VWF: variants seen among roughly 807,000 people sequenced by gnomAD.
VWF encodes Factor VIII related antigen.
A neutral mutation model predicts 308.6 loss-of-function variants in VWF; 176 were observed. The ratio of observed to expected loss-of-function variants is 0.57; its 90% CI spans 0.50 to 0.65. The LOEUF (loss-of-function observed/expected upper bound fraction) is 0.65, where lower values mean the gene tolerates loss of function less well. Ranked by LOEUF, VWF falls within the 30% of genes least tolerant of loss-of-function variation. The pLI is 0.00. For missense variants in VWF, 3,146 were observed against 3,648.2 expected, an observed-to-expected ratio of 0.86 and a Z score of 3.55; for synonymous variants, 1,385 against 1,443.4, an observed-to-expected ratio of 0.96 and a Z score of 0.92.
At chr12:5,985,391 G>T (rs1001176405) in intron 39 of VWF, among the ~76,000 whole-genome samples, 172 bp downstream of exon 39, 4 of 152,190 alleles carry the variant, frequency 2.6e-5, no homozygotes, top group African/African-American at 9.7e-5. Flanking sequence ...GCAGAATGGG[G>T]CTCCCAGGCC....
chr12:5,950,087 T>C (rs1446985161), intron 50 of VWF, among the ~76,000 whole-genome samples: 4 of 152,216 alleles, frequency 2.6e-5, no homozygotes, highest in Admixed American at 2.6e-4. Context: ...ATTGCTGGAC[T>C]TAACTCACTT....
intron 47 of VWF, 120 bp from the exon 48 acceptor site, chr12:5,953,714 A>G (rs1315606774): frequency 1.2e-6 from 1 of 803,992 alleles, no homozygotes; most frequent in Non-Finnish European, 2.2e-6. Context: ...TAGAATTCGG[A>G]AAGTCAACAT....
At chr12:5,983,820 A>ATAGATAGATAGATAGATGG (rs1943641273) in intron 40 of VWF, among the ~76,000 whole-genome samples, 1 of 71,060 alleles carries the variant, frequency 1.4e-5, no homozygotes, top group South Asian at 6.1e-4. Context: ...TAGATAGATG[A>ATAGATAGATAGATAGATGG]TAGAGGATAG....
chr12:6,002,620 C>A (rs1229013083), intron 34 of VWF, among the ~76,000 whole-genome samples: 1 of 151,824 alleles, frequency 6.6e-6, no homozygotes, highest in East Asian at 1.9e-4. Context: ...TTAAGCACAC[C>A]AATTTACATG....
At chr12:6,084,387 G>A (rs1344679554) in intron 6 of VWF, among the ~76,000 whole-genome samples, 2 of 152,194 alleles carry the variant, frequency 1.3e-5, no homozygotes, top group African/African-American at 4.8e-5. Flanking sequence ...AGGAGCTGCG[G>A]GAGAGCAGCT....
chr12:6,111,875 G>A (rs1005674355), intron 3 of VWF, among the ~76,000 whole-genome samples: 1 of 150,222 alleles, frequency 6.7e-6, no homozygotes, highest in Non-Finnish European at 1.5e-5. Flanking sequence ...GAAGAACGGC[G>A]TGAACCCAGG....
chr12:5,971,489 T>G (rs572069146), intron 44 of VWF, 110 bp downstream of exon 44: 2 of 881,144 alleles, frequency 2.3e-6, no homozygotes, highest in Admixed American at 1.8e-5. Flanking sequence ...CTGGGTGAAA[T>G]GCCCAGTGGG....
At chr12:6,108,847 G>A in intron 5 of VWF, among the ~76,000 whole-genome samples, 1 of 151,966 alleles carries the variant, frequency 6.6e-6, no homozygotes, top group Non-Finnish European at 1.5e-5. Context: ...CAGGCATGGT[G>A]GCGGGTGCCT....
At chr12:6,118,691 G>A (rs143483677) in intron 3 of VWF, among the ~76,000 whole-genome samples, 112 of 152,080 alleles carry the variant, frequency 7.4e-4, no homozygotes, top group African/African-American at 7.7e-4. Context: ...CCGTGCACCC[G>A]GCCTCTTCCG....
chr12:6,083,046 G>T (rs1944931502), intron 6 of VWF, among the ~76,000 whole-genome samples: 1 of 152,128 alleles, frequency 6.6e-6, no homozygotes, highest in South Asian at 2.1e-4. Flanking sequence ...TCTCGCTCTT[G>T]TTGCCCAGGC....
chr12:6,079,589 G>A (rs917521381), intron 6 of VWF, among the ~76,000 whole-genome samples: 14 of 150,508 alleles, frequency 9.3e-5, no homozygotes, highest in Non-Finnish European at 1.8e-4. Flanking sequence ...TAGCCTGGGC[G>A]ACAGAGTGAG....
At chr12:5,983,092 C>T (rs1943626427) in intron 41 of VWF, 58 bp downstream of exon 41, 2 of 1,542,808 alleles carry the variant, frequency 1.3e-6, no homozygotes, top group Non-Finnish European at 1.8e-6. Context: ...GGAGGATGGC[C>T]TCCCTCACAC....
intron 15 of VWF, among the ~76,000 whole-genome samples, chr12:6,054,449 C>CT (rs1262272537): frequency 6.6e-6 from 1 of 152,206 alleles, no homozygotes; most frequent in Admixed American, 6.5e-5. Context: ...GACTTGAGAA[C>CT]TTTCTTTGTT....
At chr12:6,078,061 C>T (rs1944865747) in intron 6 of VWF, among the ~76,000 whole-genome samples, 1 of 152,170 alleles carries the variant, frequency 6.6e-6, no homozygotes, top group African/African-American at 2.4e-5. Context: ...TCATCATCTT[C>T]ATCATCTCCT....
Position 5,952,628 on chromosome 12 carries a change from T to C in VWF, c.7987-109A>G, listed in dbSNP as rs141518689. 480 of 1,446,414 alleles carry C rather than the reference T, an allele frequency of 3.3e-4. 2 individuals are homozygous for C. The African/African-American group carries it at 5.9e-3, about 18-fold the overall frequency. The allele number at this position is 1,446,414 out of a possible 1,614,324, so 89.6% of individuals were successfully genotyped here. ...GATGACGAAACAATCTGCAGAACCATGAAACAAGAAGACAGTGTATAATAA... is the reference window on the plus strand; with the variant it reads ...GATGACGAAACAATCTGCAGAACCACGAAACAAGAAGACAGTGTATAATAA... On this transcript the variant is annotated intron_variant, in intron 48 of 51. Transcript: ENST00000261405.
chr12:6,026,197 G>A (rs1183760313), intron 22 of VWF, 151 bp from the exon 23 acceptor site: 2 of 1,124,542 alleles, frequency 1.8e-6, no homozygotes, highest in African/African-American at 3.1e-5. Context: ...GGAGGCCCGA[G>A]GTGAGCAGCA....
At position 6,057,039 on chromosome 12, in the gene VWF, G is replaced by A. The variant is rs1363168211; in HGVS notation, c.1763C>T (p.Thr588Met). The A allele has an allele frequency of 6.5e-7, 1 of 1,547,196 alleles. No individual in the cohort carries two copies. ...RFSEEACAVL[T>M]SPTFEACHRA... ...ATGGCAGGCCTCGAATGTGGGGGAC[G>A]TCAGGACCGCGCACGCCTCCTCGGA... The change falls in exon 15 of 52, where the codon ACG becomes ATG. Residue 588 changes from threonine to methionine, a missense_variant. Physicochemically the swap from Thr to Met is moderately conservative, Grantham distance 81 (BLOSUM62 -1). This residue lies in a region of VWF where 1,304 missense variants were observed against 1,353.0 expected (regional missense o/e 0.96). Transcript: ENST00000261405.
At chr12:6,079,403 A>T (rs113487063) in intron 6 of VWF, among the ~76,000 whole-genome samples, 3 of 152,238 alleles carry the variant, frequency 2.0e-5, no homozygotes, top group East Asian at 1.9e-4. Context: ...TCAGGAGATC[A>T]AGACCATCCT....
intron 3 of VWF, among the ~76,000 whole-genome samples, 184 bp from the exon 4 acceptor site, chr12:6,111,152 A>G (rs1945304180): frequency 6.6e-6 from 1 of 152,220 alleles, no homozygotes; most frequent in Non-Finnish European, 1.5e-5. Flanking sequence ...TTCATCTAAA[A>G]ATAATTATTG....
Sources: gnomAD v4.1 joint callset for allele counts (sites outside exome capture counted in the v4.1 genomes callset) on GRCh38, gnomAD v4.1.1 for gene constraint, gnomAD v4.1.1 regional missense constraint, MANE v1.5 for transcripts, NCBI Gene and HGNC (gene_info 2026-07-23, HGNC 2026-07-21) for gene names.